NAPRT: variants seen among roughly 807,000 people sequenced by gnomAD.
NAPRT encodes the protein nicotinate phosphoribosyltransferase, also known as FHA-HIT-interacting protein.
Under a neutral mutation model 60.7 loss-of-function variants are expected in NAPRT, and 66 were observed. The ratio of observed to expected loss-of-function variants is 1.09; its 90% CI spans 0.89 to 1.33. The LOEUF is 1.33. Among genes scored for constraint, NAPRT ranks in the 40% most tolerant of loss-of-function variants. The pLI is 0.00. For synonymous variants in NAPRT, 405 were observed against 335.7 expected, an observed-to-expected ratio of 1.21 and a Z score of -2.26; for missense variants, 818 against 731.5, an observed-to-expected ratio of 1.12 and a Z score of -1.36.
downstream of NAPRT, chr8:143,573,022 C>T (rs1824163128): frequency 2.4e-6 from 1 of 419,380 alleles, no homozygotes; most frequent in South Asian, 4.8e-5. Flanking sequence ...GAAGGGCCCC[C>T]ACCCTGACTA....
At chr8:143,576,288 C>T in intron 7 of NAPRT, 126 bp from the exon 8 acceptor site, 1 of 1,384,802 alleles carries the variant, frequency 7.2e-7, no homozygotes. Flanking sequence ...TTGGGAGCTC[C>T]TAGGGAGCCC....
chr8:143,575,213 C>A lies in NAPRT; in HGVS notation c.1424G>T (p.Arg475Leu), dbSNP rs759515320. 2 of 1,611,320 alleles carry A rather than the reference C, an allele frequency of 1.2e-6. No homozygotes were observed. The highest frequency in any genetic ancestry group is 2.2e-5 in the East Asian group (1 of 44,808). Reference protein sequence around the residue: ...VRPAQVEPLLRLCLQQGQLCE... With the variant: ...VRPAQVEPLLLLCLQQGQLCE... ...CACCTGTCCCTGCTGGAGGCAGAGC[C>A]GCAGTAGTGGCTCCACCTGGGCTGG... Residue 475 changes from arginine (R) to leucine (L), a missense_variant, in exon 11 of 13, where the codon CGG (arginine) becomes CTG (leucine). Transcript: ENST00000449291.
Position 143,577,807 on chromosome 8 carries a change from C to T in NAPRT, c.354+9G>A. ...GTGGCCGCCGCGCCGCCCGCTTACC[C>T]CTACTCACTCCGGGGAAGGCGAGGG... On this transcript the variant is annotated intron_variant, in intron 2 of 12. Transcript: ENST00000449291. The T allele has an allele frequency of 6.2e-7, 1 of 1,603,096 alleles. No individual in the cohort carries two copies. The highest frequency in any genetic ancestry group is 8.5e-7 in the Non-Finnish European group (1 of 1,176,110).
chr8:143,573,194 C>A (rs895664201), downstream of NAPRT, among the ~76,000 whole-genome samples: 1 of 151,578 alleles, frequency 6.6e-6, no homozygotes, highest in Admixed American at 6.6e-5. Context: ...TGGCCCCGCC[C>A]CCTGCACGCT....
In NAPRT at chr8:143,578,212, C is replaced by G; in HGVS notation, c.107G>C (p.Arg36Pro). The G allele has an allele frequency of 6.6e-7, 1 of 1,504,554 alleles. No homozygotes were observed. Among genetic ancestry groups the G allele is most frequent in the Admixed American group, 2.2e-5 (1 of 44,636 alleles). The allele number at this position is 1,504,554 out of a possible 1,614,324, so 93.2% of individuals were successfully genotyped here. The change falls in exon 1 of 13, where the codon CGG becomes CCG. Residue 36 changes from arginine to proline, a missense_variant. Physicochemically the swap from Arg to Pro is moderately radical, Grantham distance 103 (BLOSUM62 -2). Coordinates refer to ENST00000449291, the MANE Select transcript of NAPRT (RefSeq NM_145201.6). ...ALGYWRAGRARDAAEFELFFR... is the reference protein window; with the variant it reads ...ALGYWRAGRAPDAAEFELFFR... ...GAAGAGCTCGAACTCGGCGGCGTCC[C>G]GCGCCCGGCCCGCGCGCCAATAGCC... is the stretch of plus-strand genomic sequence containing the variant.
chr8:143,576,667 A>C lies in NAPRT; in HGVS notation c.860T>G (p.Leu287Arg), dbSNP rs765927706. The part of the protein sequence containing the change: ...LAFPRAFQGL[L>R]DTYSVWRSGL... ...TCACCTCCACACGCTGTAGGTGTCC[A>C]GGAGGCCCTGGAAGGCCCGGGGAAA... Residue 287 changes from leucine to arginine, a missense_variant, in exon 6 of 13, where the codon CTG becomes CGG. Physicochemically the swap from Leu to Arg is moderately radical, Grantham distance 102. Coordinates refer to ENST00000449291, the MANE Select transcript of NAPRT (RefSeq NM_145201.6). 1.9e-6 allele frequency: 3 copies of C among 1,611,266 alleles called. No individual in the cohort carries two copies. Among genetic ancestry groups the C allele is most frequent in the Non-Finnish European group, 2.5e-6 (3 of 1,179,332 alleles).
At position 143,578,121 on chromosome 8, in the gene NAPRT, G is replaced by A. The variant is rs34007902; in HGVS notation, c.198C>T (p.Phe66=). The A allele has an allele frequency of 6.5e-7, 1 of 1,528,360 alleles. No individual in the cohort carries two copies. The highest frequency in any genetic ancestry group is 2.1e-5 in the Admixed American group (1 of 46,548). 94.7% of individuals were successfully genotyped at this position (1,528,360 alleles called of 1,614,324 possible). The change falls in exon 1 of 13, where the codon TTC becomes TTT. Residue 66 remains phenylalanine, a synonymous_variant. Transcript: ENST00000449291. ...CGTCCCGCAGGCGGAAGGCGCGCAG[G>A]AAGCGCACACAGTCGCGCAAGCCGG... ...LAAGLRDCVR[F]LRAFRLRDAD...
At chr8:143,575,394 G>A (rs374669823) in intron 10 of NAPRT, 29 bp downstream of exon 10, 7 of 1,593,842 alleles carry the variant, frequency 4.4e-6, no homozygotes, top group Admixed American at 1.7e-5. Context: ...CTTTGAAGGT[G>A]GACAGCAGGG....
Position 143,577,396 on chromosome 8 carries a change from C to T in NAPRT, c.441G>A (p.Leu147=). 1 of 1,606,422 alleles carries T rather than the reference C, an allele frequency of 6.2e-7. No individual in the cohort carries two copies. Among genetic ancestry groups the T allele is most frequent in the South Asian group, 1.1e-5 (1 of 90,010 alleles). The change falls in exon 4 of 13, where the codon CTG becomes CTA. Residue 147 remains leucine (L), a synonymous_variant. Coordinates refer to ENST00000449291, the MANE Select transcript of NAPRT (RefSeq NM_145201.6). The part of the protein sequence containing the change: ...PLLCLVSYAS[L]VATNAARLRL... Reference sequence around the variant, plus strand: ...GAAGCCGCGCTGCGTTGGTGGCCACCAGGCTGTGGGGAGCCAAGAGTCAGG... The same window carrying T: ...GAAGCCGCGCTGCGTTGGTGGCCACTAGGCTGTGGGGAGCCAAGAGTCAGG...
At position 143,575,414 on chromosome 8, in the gene NAPRT, G is replaced by A. The variant is rs746797791; in HGVS notation, c.1291+9C>T. The A allele has an allele frequency of 2.5e-6, 4 of 1,592,426 alleles. No individual in the cohort carries two copies. The highest frequency in any genetic ancestry group is 1.7e-5 in the Admixed American group (1 of 59,594). On this transcript the variant is annotated intron_variant, in intron 10 of 12. Coordinates refer to ENST00000449291, the MANE Select transcript of NAPRT (RefSeq NM_145201.6). ...AAGGTGGACAGCAGGGGGGATGGGA[G>A]GGCCTCACCGTCAGAGCCCAGGAGC... is the stretch of plus-strand genomic sequence containing the variant.
rs1824579275 is a variant in NAPRT, at chr8:143,577,731, G to A, written c.363C>T (p.Leu121=). The A allele has an allele frequency of 3.2e-6, 5 of 1,549,766 alleles. No homozygotes were observed. In the South Asian group the frequency reaches 5.9e-5, roughly 18 times the overall value. Residue 121 remains leucine (L), a synonymous_variant, in exon 3 of 13, where the codon CTC becomes CTT. Transcript: ENST00000449291. ...EGSLAFPGVP[L]LQVSGPLLVV... ...CCAGGAGCGGCCCGGACACCTGCAG[G>A]AGCGGCACCTGCGGGGAGAGAAGTC...
Position 143,577,902 on chromosome 8 carries a change from G to C in NAPRT, c.268C>G (p.Pro90Ala). 5 of 1,612,214 alleles carry C rather than the reference G, an allele frequency of 3.1e-6. No individual in the cohort carries two copies. Among genetic ancestry groups the C allele is most frequent in the Non-Finnish European group, 4.2e-6 (5 of 1,179,614 alleles). ...GCCCGAAGGTGCTCGAAGAACGCAG[G>C]ATCCGTGTCTGGGGGCAGCACCGAG... ...LASVLPPDTD[P>A]AFFEHLRALD... Residue 90 changes from proline (P) to alanine (A), a missense_variant, in exon 2 of 13, where the codon CCT (proline) becomes GCT (alanine). Physicochemically the swap from Pro to Ala is conservative, Grantham distance 27. Transcript: ENST00000449291.
intron 11 of NAPRT, 31 bp downstream of exon 11, chr8:143,575,160 G>A: frequency 1.3e-6 from 2 of 1,591,142 alleles, no homozygotes; most frequent in Non-Finnish European, 1.7e-6. Context: ...ACCGGGGCTG[G>A]GGGTCAGGAT....
At chr8:143,577,526 T>G (rs975183604) in intron 3 of NAPRT, 127 bp from the exon 4 acceptor site, 6 of 1,448,646 alleles carry the variant, frequency 4.1e-6, no homozygotes, top group East Asian at 5.0e-5. Flanking sequence ...CCTTACACCC[T>G]GAAGAGTGGG....
downstream of NAPRT, among the ~76,000 whole-genome samples, chr8:143,574,115 C>T (rs2130684539): frequency 6.6e-6 from 1 of 152,384 alleles, no homozygotes; most frequent in African/African-American, 2.4e-5. Context: ...ACCCTGAGAT[C>T]AGGAACTTGC....
chr8:143,573,006 G>C, downstream of NAPRT: 3 of 440,518 alleles, frequency 6.8e-6, no homozygotes, highest in Non-Finnish European at 1.2e-5. Context: ...CACGAAGAAA[G>C]GGGGAGAAGG....
At chr8:143,577,549 G>C in intron 3 of NAPRT, 108 bp downstream of exon 3, 1 of 1,469,092 alleles carries the variant, frequency 6.8e-7, no homozygotes, top group Non-Finnish European at 9.1e-7. Context: ...CGGGAGGCCA[G>C]TCCTGGGACC....
At position 143,576,827 on chromosome 8, in the gene NAPRT, C is replaced by G. The variant is rs757729972; in HGVS notation, c.700G>C (p.Ala234Pro). The G allele has an allele frequency of 3.8e-6, 6 of 1,598,690 alleles. No homozygotes were observed. Among genetic ancestry groups the G allele is most frequent in the African/African-American group, 1.3e-5 (1 of 74,594 alleles). Residue 234 changes from alanine to proline, a missense_variant, in exon 6 of 13, where the codon GCT (alanine) becomes CCT (proline). By Grantham distance (27) the Ala-to-Pro change is conservative. Coordinates refer to ENST00000449291, the MANE Select transcript of NAPRT (RefSeq NM_145201.6). ...AGGTCCACCCCAGGGCCCTCACCAG[C>G]TGCTGGCGCCAACATCTGTGGAACA... ...VPPDPMLAPAAGEGPGVDLAA... is the reference protein window; with the variant it reads ...VPPDPMLAPAPGEGPGVDLAA...
chr8:143,576,851 C>G lies in NAPRT; in HGVS notation c.685-9G>C, dbSNP rs1312060743. 1.9e-6 allele frequency: 3 copies of G among 1,590,252 alleles called. No homozygotes were observed. Among genetic ancestry groups the G allele is most frequent in the African/African-American group, 1.3e-5 (1 of 74,358 alleles). On this transcript the variant is annotated splice_polypyrimidine_tract_variant and intron_variant, in intron 5 of 12. Transcript: ENST00000449291. ...GCTGCTGGCGCCAACATCTGTGGAACAGAGTCGGTGAAGAATGGGGGCCAG... is the reference window on the plus strand; with the variant it reads ...GCTGCTGGCGCCAACATCTGTGGAAGAGAGTCGGTGAAGAATGGGGGCCAG...
Sources: allele counts gnomAD v4.1 joint callset (sites outside exome capture counted in the v4.1 genomes callset), GRCh38; gene constraint gnomAD v4.1.1; transcripts MANE v1.5; gene names NCBI Gene and HGNC (gene_info 2026-07-23, HGNC 2026-07-21).